Variants in GALNT13 observed in about 807,000 individuals in gnomAD.
The protein encoded by GALNT13 is UDP-GalNAc:polypeptide N-acetylgalactosaminyltransferase 13.
GALNT13 carries 28 observed loss-of-function variants against 64.2 expected under a neutral mutation model. The observed-to-expected ratio is 0.44, with a 90% CI of 0.32 to 0.60. The LOEUF is 0.60. Ranked by LOEUF, GALNT13 falls within the 20% of genes least tolerant of loss-of-function variation. The pLI is 0.05. For synonymous variants in GALNT13, 214 were observed against 224.6 expected (o/e 0.95, Z 0.42); for missense variants, 577 against 669.8 (o/e 0.86, Z 1.53).
the GALNT13 span, among the ~76,000 whole-genome samples, chr2:153,615,304 T>C: frequency 6.6e-6 from 1 of 152,102 alleles, no homozygotes; most frequent in Non-Finnish European, 1.5e-5. Flanking sequence ...CTTTCAAATC[T>C]CAGCTATTGT....
the GALNT13 span, among the ~76,000 whole-genome samples, chr2:153,370,149 C>G: frequency 6.6e-6 from 1 of 152,058 alleles, no homozygotes; most frequent in South Asian, 2.1e-4. Flanking sequence ...CAAGAAGGAA[C>G]AGATAACCTG....
the GALNT13 span, among the ~76,000 whole-genome samples, chr2:153,571,880 T>C: frequency 6.6e-6 from 1 of 152,020 alleles, no homozygotes; most frequent in African/African-American, 2.4e-5. Flanking sequence ...AGCTTCAATA[T>C]TCATCAGATA....
the GALNT13 span, among the ~76,000 whole-genome samples, chr2:153,224,635 A>G: frequency 1.3e-5 from 2 of 152,202 alleles, no homozygotes; most frequent in South Asian, 4.1e-4. Flanking sequence ...GAGAGAGAAG[A>G]CACAAATTAC....
At chr2:153,207,527 A>C in the GALNT13 span, among the ~76,000 whole-genome samples, 1 of 152,086 alleles carries the variant, frequency 6.6e-6, no homozygotes, top group Admixed American at 6.6e-5. Flanking sequence ...TTCCTTCTTC[A>C]TTTATCAGCT....
chr2:154,099,810 C>G (rs1365807752), intron 3 of GALNT13, among the ~76,000 whole-genome samples: 1 of 152,054 alleles, frequency 6.6e-6, no homozygotes, highest in Non-Finnish European at 1.5e-5. Flanking sequence ...CATGATGATT[C>G]ATGCCTGTGG....
At chr2:153,638,407 T>G in the GALNT13 span, among the ~76,000 whole-genome samples, 1 of 151,252 alleles carries the variant, frequency 6.6e-6, no homozygotes. Flanking sequence ...CAGGCAGGAT[T>G]CACTGGTTGC....
At chr2:153,661,018 G>A in the GALNT13 span, among the ~76,000 whole-genome samples, 1 of 152,166 alleles carries the variant, frequency 6.6e-6, no homozygotes, top group African/African-American at 2.4e-5. Flanking sequence ...ACCAGGATAG[G>A]TATAAATAGG....
chr2:153,167,943 G>A, the GALNT13 span, among the ~76,000 whole-genome samples: 1 of 152,132 alleles, frequency 6.6e-6, no homozygotes, highest in Non-Finnish European at 1.5e-5. Flanking sequence ...TTCTCAGGGC[G>A]AGAAACCAAG....
intron 9 of GALNT13, among the ~76,000 whole-genome samples, chr2:154,348,797 G>A (rs532403747): frequency 5.9e-4 from 89 of 151,982 alleles, no homozygotes; most frequent in African/African-American, 1.7e-3. Flanking sequence ...AATATCTAGC[G>A]CTCCGGAGTT....
intron 9 of GALNT13, among the ~76,000 whole-genome samples, chr2:154,359,260 G>C (rs887275036): frequency 6.6e-6 from 1 of 152,058 alleles, no homozygotes; most frequent in Non-Finnish European, 1.5e-5. Flanking sequence ...GCATCAGCGG[G>C]ACAAGTCCCA....
At chr2:153,121,388 T>C in the GALNT13 span, among the ~76,000 whole-genome samples, 1 of 152,250 alleles carries the variant, frequency 6.6e-6, no homozygotes, top group East Asian at 1.9e-4. Flanking sequence ...ACTCTATTTT[T>C]TTCTGATTTC....
At chr2:153,261,501 T>C in the GALNT13 span, among the ~76,000 whole-genome samples, 1 of 152,162 alleles carries the variant, frequency 6.6e-6, no homozygotes, top group African/African-American at 2.4e-5. Context: ...TAGAGACTCT[T>C]GTTTTCTTCC....
Position 154,306,626 on chromosome 2 carries a change from G to GT in GALNT13, c.1156+5037_1156+5038insT, listed in dbSNP as rs79175258. ...TTTTAAGGATAATTTGGTGGGGGGG[G>GT]GGTCAAGAAATGGGGAGTGCTGATT... On this transcript the variant is annotated intron_variant, in intron 9 of 12. Coordinates refer to ENST00000392825, the MANE Select transcript of GALNT13 (RefSeq NM_052917.4). Among the ~76,000 whole-genome samples, 513 of 148,618 alleles carry GT rather than the reference G, an allele frequency of 3.5e-3. 2 individuals are homozygous for GT. Among genetic ancestry groups the GT allele is most frequent in the Non-Finnish European group, 6.2e-3 (413 of 66,794 alleles).
At chr2:154,442,103 G>A (rs1701327042) in intron 12 of GALNT13, among the ~76,000 whole-genome samples, 1 of 151,980 alleles carries the variant, frequency 6.6e-6, no homozygotes, top group South Asian at 2.1e-4. Context: ...AAATGGAATA[G>A]CTAAATGCTA....
At chr2:153,336,149 C>T in the GALNT13 span, among the ~76,000 whole-genome samples, 1 of 152,196 alleles carries the variant, frequency 6.6e-6, no homozygotes, top group Non-Finnish European at 1.5e-5. Flanking sequence ...GCGGGATGCT[C>T]CTGGGGAACC....
At chr2:154,232,779 T>C (rs1010461588) in intron 4 of GALNT13, among the ~76,000 whole-genome samples, 6 of 151,718 alleles carry the variant, frequency 4.0e-5, no homozygotes, top group African/African-American at 1.2e-4. Flanking sequence ...AGGCCTGTAA[T>C]ACTAGCATTT....
At chr2:154,305,087 TC>T (rs1363463841) in intron 9 of GALNT13, among the ~76,000 whole-genome samples, 1 of 152,216 alleles carries the variant, frequency 6.6e-6, no homozygotes, top group Non-Finnish European at 1.5e-5. Context: ...TTTCAGATCA[TC>T]CAAAAACAGA....
chr2:154,356,249 T>C (rs1696743428), intron 9 of GALNT13, among the ~76,000 whole-genome samples: 1 of 152,012 alleles, frequency 6.6e-6, no homozygotes, highest in Non-Finnish European at 1.5e-5. Context: ...TAGAACTCTT[T>C]TTAAAAAAAC....
In GALNT13 at chr2:154,397,174, G is replaced by C. The variant is rs893884476; in HGVS notation, c.1296+1044G>C. ...AAATAGGCCGGGAGCAGTGGTTCAC[G>C]ACTGTAATCCCAGCACTTCGGGAGG... On this transcript the variant is annotated intron_variant, in intron 10 of 12. Transcript: ENST00000392825. Among the ~76,000 whole-genome samples the C allele has an allele frequency of 2.0e-5, 3 of 152,108 alleles. No homozygotes were observed. In the East Asian group the frequency reaches 5.8e-4, roughly 29 times the overall value.
Sources: allele counts gnomAD v4.1 joint callset (sites outside exome capture counted in the v4.1 genomes callset), GRCh38; gene constraint gnomAD v4.1.1; transcripts MANE v1.5; gene names NCBI Gene and HGNC (gene_info 2026-07-23, HGNC 2026-07-21).